Variants in DNAJC1 observed in about 807,000 individuals in gnomAD.
The protein encoded by DNAJC1 is DnaJ heat shock protein family (Hsp40) member C1.
DNAJC1 carries 58 observed loss-of-function variants against 76.6 expected under a neutral mutation model. The observed-to-expected ratio is 0.76, with a 90% CI of 0.61 to 0.94. The LOEUF is 0.94. DNAJC1 is among the 40% of genes least tolerant of loss of function. DNAJC1 has a pLI of 0.00. For synonymous variants in DNAJC1, 258 were observed against 267.9 expected (o/e 0.96, Z 0.36); for missense variants, 689 against 677.3 (o/e 1.02, Z -0.19).
intron 8 of DNAJC1, among the ~76,000 whole-genome samples, chr10:21,808,017 G>C (rs1476483051): frequency 6.6e-6 from 1 of 152,134 alleles, no homozygotes; most frequent in Non-Finnish European, 1.5e-5. Context: ...ATCGGTTTCA[G>C]AAATGCAAAA....
At chr10:21,928,920 T>C (rs1837172544) in intron 2 of DNAJC1, 120 bp downstream of exon 2, 12 of 627,092 alleles carry the variant, frequency 1.9e-5, no homozygotes, top group Non-Finnish European at 3.0e-5. Flanking sequence ...ATATACACTA[T>C]ATTTTAAACT....
intron 1 of DNAJC1, among the ~76,000 whole-genome samples, chr10:21,939,986 CGT>C (rs1837378859): frequency 7.1e-6 from 1 of 139,992 alleles, no homozygotes; most frequent in South Asian, 2.3e-4. Flanking sequence ...CCAAAACAAA[CGT>C]GTGTGTATAC....
intron 8 of DNAJC1, among the ~76,000 whole-genome samples, chr10:21,871,844 A>C (rs990145320): frequency 6.6e-6 from 1 of 151,798 alleles, no homozygotes; most frequent in Non-Finnish European, 1.5e-5. Flanking sequence ...CATGTTGGAC[A>C]GGCTGGTCTG....
chr10:21,766,175 CTTGTA>C, intron 10 of DNAJC1, 81 bp downstream of exon 10: 1 of 1,059,858 alleles, frequency 9.4e-7, no homozygotes, highest in Non-Finnish European at 1.4e-6. Flanking sequence ...CTTCTAGACC[CTTGTA>C]TTTAAAGAAG....
At chr10:21,983,723 A>C (rs1838194053) in intron 1 of DNAJC1, among the ~76,000 whole-genome samples, 1 of 148,150 alleles carries the variant, frequency 6.7e-6, no homozygotes, top group African/African-American at 2.5e-5. Context: ...TCTGTCTCAA[A>C]AAAAAAAAAA....
chr10:21,759,295 G>A lies in DNAJC1; in HGVS notation c.1471C>T (p.Arg491Trp), dbSNP rs778098890. 2.5e-6 allele frequency: 4 copies of A among 1,614,096 alleles called. No individual in the cohort carries two copies. The highest frequency in any genetic ancestry group is 2.2e-5 in the East Asian group (1 of 44,896). Reference sequence around the variant, plus strand: ...TGAGTCCACGGCTCCTCTGCAGACCGAGCTCTCTCTTTTCTCAGGCTCTCC... The same window carrying A: ...TGAGTCCACGGCTCCTCTGCAGACCAAGCTCTCTCTTTTCTCAGGCTCTCC... ...DEESLRKERA[R>W]SAEEPWTQNQ... The change falls in exon 11 of 12, where the codon CGG becomes TGG. Residue 491 changes from arginine (R) to tryptophan (W), a missense_variant. Physicochemically the swap from Arg to Trp is moderately radical, Grantham distance 101. Coordinates refer to ENST00000376980, the MANE Select transcript of DNAJC1 (RefSeq NM_022365.4).
chr10:22,002,642 C>G (rs1358597470), intron 1 of DNAJC1, among the ~76,000 whole-genome samples: 1 of 152,126 alleles, frequency 6.6e-6, no homozygotes, highest in East Asian at 1.9e-4. Flanking sequence ...ACCTAACAGG[C>G]TAAAAAGATG....
chr10:21,856,538 G>A (rs954124753), intron 8 of DNAJC1, among the ~76,000 whole-genome samples: 2 of 151,946 alleles, frequency 1.3e-5, no homozygotes, highest in Non-Finnish European at 1.5e-5. Flanking sequence ...GCCACGGTGG[G>A]AGAAATTAAC....
chr10:21,910,107 C>T (rs1005999800), intron 6 of DNAJC1, among the ~76,000 whole-genome samples: 2 of 150,158 alleles, frequency 1.3e-5, no homozygotes, highest in East Asian at 1.9e-4. Context: ...AATATCCTTA[C>T]ATTAAACCTT....
In DNAJC1 at chr10:21,984,210, G is replaced by T. The variant is rs1370764902; in HGVS notation, c.222+19003C>A. Among the ~76,000 whole-genome samples the T allele has an allele frequency of 8.5e-5, 13 of 152,186 alleles. No homozygotes were observed. In the East Asian group the frequency reaches 2.5e-3, roughly 29 times the overall value. ...TAAAGAACAACCCCTCATACAGGTA[G>T]GTAAGAACGGTATATCAGAAACTGG... On this transcript the variant is annotated intron_variant, in intron 1 of 11. Transcript: ENST00000376980.
chr10:21,869,990 C>A (rs1836075718), intron 8 of DNAJC1, among the ~76,000 whole-genome samples: 1 of 151,936 alleles, frequency 6.6e-6, no homozygotes, highest in Non-Finnish European at 1.5e-5. Flanking sequence ...TGACACCACA[C>A]CTGACAAATA....
chr10:21,820,664 C>T (rs918388426), intron 8 of DNAJC1, among the ~76,000 whole-genome samples: 1 of 152,148 alleles, frequency 6.6e-6, no homozygotes, highest in African/African-American at 2.4e-5. Context: ...CCCAGGAGTT[C>T]CCCCCAGACC....
chr10:21,896,929 C>G (rs1378868009), intron 7 of DNAJC1, among the ~76,000 whole-genome samples: 4 of 152,172 alleles, frequency 2.6e-5, no homozygotes, highest in Non-Finnish European at 5.9e-5. Flanking sequence ...AACCCCTTTT[C>G]CCCTTCTGTT....
intron 8 of DNAJC1, among the ~76,000 whole-genome samples, chr10:21,860,404 G>A (rs886592122): frequency 2.6e-5 from 4 of 151,912 alleles, no homozygotes; most frequent in Admixed American, 6.6e-5. Flanking sequence ...GTTAAAACTA[G>A]AATTCAGGAT....
intron 1 of DNAJC1, among the ~76,000 whole-genome samples, chr10:21,989,496 G>A (rs1023891203): frequency 3.3e-5 from 5 of 152,122 alleles, no homozygotes; most frequent in Admixed American, 2.6e-4. Context: ...GAAACCAGAA[G>A]TCTGACTCCC....
intron 1 of DNAJC1, among the ~76,000 whole-genome samples, chr10:21,991,606 A>G (rs1055099348): frequency 6.6e-6 from 1 of 152,226 alleles, no homozygotes. Context: ...CAAAATGGAA[A>G]CAATAGTCAG....
chr10:21,990,560 G>A (rs573215181), intron 1 of DNAJC1, among the ~76,000 whole-genome samples: 24 of 152,262 alleles, frequency 1.6e-4, no homozygotes, highest in Non-Finnish European at 2.6e-4. Context: ...AATTTCCACT[G>A]AGTAGTATTA....
chr10:21,822,497 A>G (rs1744042382), intron 8 of DNAJC1, among the ~76,000 whole-genome samples: 2 of 151,906 alleles, frequency 1.3e-5, no homozygotes, highest in South Asian at 4.1e-4. Flanking sequence ...AAATACATGG[A>G]GACGATCTAG....
intron 1 of DNAJC1, among the ~76,000 whole-genome samples, chr10:21,930,401 C>T (rs1049816815): frequency 1.3e-5 from 2 of 152,068 alleles, no homozygotes; most frequent in Non-Finnish European, 2.9e-5. Flanking sequence ...TAATTAATTC[C>T]AAAAACTATT....
Sources: gnomAD v4.1 joint callset for allele counts (sites outside exome capture counted in the v4.1 genomes callset) on GRCh38, gnomAD v4.1.1 for gene constraint, MANE v1.5 for transcripts, NCBI Gene and HGNC (gene_info 2026-07-23, HGNC 2026-07-21) for gene names.